Variants in PACS1 observed in about 807,000 individuals in gnomAD.
PACS1 encodes the protein phosphofurin acidic cluster sorting protein 1.
A neutral mutation model predicts 115.0 loss-of-function variants in PACS1; 24 were observed. The observed-to-expected ratio is 0.21, with a 90% CI of 0.15 to 0.29. The LOEUF (loss-of-function observed/expected upper bound fraction) is 0.29, where lower values mean the gene tolerates loss of function less well. PACS1 is among the 10% of genes least tolerant of loss of function. PACS1 has a pLI of 1.00. For synonymous variants in PACS1, 453 were observed against 504.5 expected (o/e 0.90, Z 1.37); for missense variants, 838 against 1,251.2 (o/e 0.67, Z 4.98).
At chr11:66,230,344 C>A in intron 11 of PACS1, 1 of 576,072 alleles carries the variant, frequency 1.7e-6, no homozygotes. Context: ...GCATATGGTG[C>A]CCACACGGGG....
chr11:66,213,303 C>T (rs1434366833), intron 4 of PACS1, among the ~76,000 whole-genome samples: 1 of 152,198 alleles, frequency 6.6e-6, no homozygotes, highest in Non-Finnish European at 1.5e-5. Context: ...TCAGATTTGG[C>T]CCATGGGAGC....
At chr11:66,127,657 C>T (rs969210781) in intron 1 of PACS1, among the ~76,000 whole-genome samples, 9 of 152,158 alleles carry the variant, frequency 5.9e-5, no homozygotes, top group South Asian at 2.1e-4. Context: ...TTTCAGACAG[C>T]GGCTCAAGGA....
intron 2 of PACS1, among the ~76,000 whole-genome samples, chr11:66,204,209 T>A (rs938656506): frequency 6.6e-6 from 1 of 151,950 alleles, no homozygotes; most frequent in Non-Finnish European, 1.5e-5. Context: ...TATCTAATAA[T>A]CCGATTAAGA....
chr11:66,201,676 T>C (rs539607), intron 2 of PACS1, among the ~76,000 whole-genome samples: 144,687 of 147,038 alleles, frequency 0.98, 71,232 homozygotes, highest in Middle Eastern at 1. Context: ...TTTTTTTTTC[T>C]GAGACGGAGT....
At chr11:66,074,489 G>A (rs757298469) in intron 1 of PACS1, among the ~76,000 whole-genome samples, 3 of 152,158 alleles carry the variant, frequency 2.0e-5, no homozygotes, top group Non-Finnish European at 4.4e-5. Context: ...TTGTGTTGCT[G>A]TAAGTAGGAG....
At chr11:66,218,117 C>T (rs569377635) in intron 7 of PACS1, 1 of 152,572 alleles carries the variant, frequency 6.6e-6, no homozygotes, top group Admixed American at 6.5e-5. Flanking sequence ...CACAGATGTA[C>T]TTGACCTTCT....
chr11:66,091,888 A>G (rs1451342211), intron 1 of PACS1, among the ~76,000 whole-genome samples: 2 of 151,990 alleles, frequency 1.3e-5, no homozygotes, highest in Non-Finnish European at 2.9e-5. Flanking sequence ...TCCATGGTGT[A>G]TATGTGCCAC....
chr11:66,096,955 C>T (rs1246760610), intron 1 of PACS1, among the ~76,000 whole-genome samples: 1 of 151,864 alleles, frequency 6.6e-6, no homozygotes, highest in African/African-American at 2.4e-5. Flanking sequence ...TTGCCTCACA[C>T]TCCCAAAGTG....
At position 66,239,177 on chromosome 11, in the gene PACS1, G is replaced by A; in HGVS notation, c.2329G>A (p.Val777Met). Reference protein sequence around the residue: ...GDDSPVVSLTVPSTSPPSSSG... With the variant: ...GDDSPVVSLTMPSTSPPSSSG... ...CGATTCTCCTGTGGTCAGCCTTACT[G>A]TGCCCTCCACATCACCACCCTCCAG... Residue 777 changes from valine (V) to methionine (M), a missense_variant, in exon 21 of 24, where the codon GTG becomes ATG. By Grantham distance (21) the Val-to-Met change is conservative. Around this residue, in one of 6 missense-constraint regions of PACS1, gnomAD observed 383 missense variants for 537.0 expected, o/e 0.71. Transcript: ENST00000320580. 1.2e-6 allele frequency: 2 copies of A among 1,614,128 alleles called. No homozygotes were observed. Among genetic ancestry groups the A allele is most frequent in the South Asian group, 1.1e-5 (1 of 91,076 alleles).
Position 66,241,705 on chromosome 11 carries a change from C to T in PACS1, c.2656+52C>T, listed in dbSNP as rs761599932. Reference sequence around the variant, plus strand: ...CCATGGGCCACCAGGCCTCCCGTCTCGTCTCTCAGGGCCTGGGAATAAATC... The same window carrying T: ...CCATGGGCCACCAGGCCTCCCGTCTTGTCTCTCAGGGCCTGGGAATAAATC... On this transcript the variant is annotated intron_variant, in intron 22 of 23. Transcript: ENST00000320580. The T allele has an allele frequency of 6.9e-5, 98 of 1,415,802 alleles. No individual in the cohort carries two copies. In the East Asian group the frequency reaches 2.0e-3, roughly 29 times the overall value. 87.7% of individuals were successfully genotyped at this position (1,415,802 alleles called of 1,614,324 possible). A position where few individuals can be genotyped will look rare whatever the true frequency, so the allele number is the denominator to read the frequency against.
chr11:66,199,827 G>A (rs1590813674), intron 2 of PACS1, among the ~76,000 whole-genome samples: 1 of 151,038 alleles, frequency 6.6e-6, no homozygotes, highest in East Asian at 2.0e-4. Flanking sequence ...AGACCAGCCT[G>A]GCCAACACAG....
chr11:66,203,988 C>T (rs1488741897), intron 2 of PACS1, among the ~76,000 whole-genome samples: 1 of 152,106 alleles, frequency 6.6e-6, no homozygotes, highest in Non-Finnish European at 1.5e-5. Flanking sequence ...GGAAATTGAT[C>T]TGGGCAGAGA....
chr11:66,202,659 T>C (rs914998170), intron 2 of PACS1, among the ~76,000 whole-genome samples: 3 of 143,440 alleles, frequency 2.1e-5, no homozygotes, highest in African/African-American at 5.3e-5. Context: ...GAGGCCAAGG[T>C]AGATGGATCG....
chr11:66,075,961 TCTC>T (rs112626941), intron 1 of PACS1, among the ~76,000 whole-genome samples: 37 of 152,176 alleles, frequency 2.4e-4, no homozygotes, highest in African/African-American at 8.7e-4. Flanking sequence ...ATGCTCTCGA[TCTC>T]CTGACCTCGT....
chr11:66,116,456 G>T (rs1275382474), intron 1 of PACS1, among the ~76,000 whole-genome samples: 1 of 152,188 alleles, frequency 6.6e-6, no homozygotes, highest in African/African-American at 2.4e-5. Context: ...TTTGATTAAT[G>T]CTAGAAAACA....
rs1281099392 is a variant in PACS1 at position 66,241,644 on chromosome 11, A to T, written c.2647A>T (p.Asn883Tyr). ...MAMTVVTKEK[N>Y]KKVPTIFLSK... ...CATGACTGTGGTCACCAAAGAAAAG[A>T]ACAAGAAAGGTAAGTACCCCCAAGG... The change falls in exon 22 of 24, where the codon AAC (asparagine) becomes TAC (tyrosine). Residue 883 changes from asparagine to tyrosine, a missense_variant. Coordinates refer to ENST00000320580, the MANE Select transcript of PACS1 (RefSeq NM_018026.4). The T allele has an allele frequency of 6.2e-7, 1 of 1,612,988 alleles. No homozygotes were observed. The highest frequency in any genetic ancestry group is 1.3e-5 in the African/African-American group (1 of 74,922).
At chr11:66,134,354 C>T (rs1405479723) in intron 1 of PACS1, among the ~76,000 whole-genome samples, 1 of 140,462 alleles carries the variant, frequency 7.1e-6, no homozygotes, top group East Asian at 2.1e-4. Flanking sequence ...CAACCTCTGC[C>T]TCCCAGGTTC....
chr11:66,070,775 GC>G lies in PACS1; in HGVS notation c.293del (p.Pro98ArgfsTer4). The G allele has an allele frequency of 6.5e-7, 1 of 1,533,808 alleles. No homozygotes were observed. On this transcript the variant is annotated frameshift_variant, in exon 1 of 24. Coordinates refer to ENST00000320580, the MANE Select transcript of PACS1 (RefSeq NM_018026.4). LOFTEE classifies it high-confidence loss of function. The surrounding 1 kb of genome is among the most constrained non-coding windows in gnomAD (Gnocchi z 5.9). ...PGGPGPGRTP[A>X]PVQMNLYATW... ...TGGCCCGGGGCCAGGCCGCACCCCCGCCCCGGTGCAGATGAACCTGTACGCC... is the reference window on the plus strand; with the variant it reads ...TGGCCCGGGGCCAGGCCGCACCCCCGCCCGGTGCAGATGAACCTGTACGCC...
chr11:66,180,269 CT>C (rs1489101338), intron 1 of PACS1, among the ~76,000 whole-genome samples: 1 of 152,060 alleles, frequency 6.6e-6, no homozygotes, highest in Non-Finnish European at 1.5e-5. Flanking sequence ...CTGCCACCAG[CT>C]TTTTTGGTTG....
Sources: gnomAD v4.1 joint callset for allele counts (sites outside exome capture counted in the v4.1 genomes callset) on GRCh38, gnomAD v4.1.1 for gene constraint, gnomAD v4.1.1 regional missense constraint, Gnocchi (gnomAD v3.1) non-coding constraint, MANE v1.5 for transcripts, NCBI Gene and HGNC (gene_info 2026-07-23, HGNC 2026-07-21) for gene names.